The following GZMK variants were observed in gnomAD, a reference collection of about 807,000 sequenced individuals.
The protein encoded by GZMK is NK-Tryp-2.
Under a neutral mutation model 22.8 loss-of-function variants are expected in GZMK, and 18 were observed. That is an observed-to-expected ratio of 0.79 (90% CI 0.54 to 1.17). The LOEUF (loss-of-function observed/expected upper bound fraction) is 1.17, where lower values mean the gene tolerates loss of function less well. Ranked by LOEUF, GZMK falls within the 50% of genes most tolerant of loss-of-function variation. The pLI is 0.00. For missense variants in GZMK, 342 were observed against 320.2 expected, an observed-to-expected ratio of 1.07 and a Z score of -0.52; for synonymous variants, 136 against 115.0, an observed-to-expected ratio of 1.18 and a Z score of -1.17.
In GZMK at chr5:55,031,544, A is replaced by G; in HGVS notation, c.544A>G (p.Asn182Asp). The change falls in exon 4 of 5, where the codon AAC becomes GAC. Residue 182 changes from asparagine (N) to aspartate (D), a missense_variant. Transcript: ENST00000231009. ...TACTGTCCTAAGTCGAAAACTTTGC[A>G]ACAGCCAAAGTTACTACAACGGCGA... ...TVTVLSRKLC[N>D]SQSYYNGDPF... 6.2e-7 allele frequency: 1 copy of G among 1,613,826 alleles called. No individual in the cohort carries two copies. The highest frequency in any genetic ancestry group is 1.7e-5 in the Admixed American group (1 of 60,026).
At chr5:55,024,550 T>A in intron 1 of GZMK, 110 bp from the exon 2 acceptor site, 4 of 844,906 alleles carry the variant, frequency 4.7e-6, no homozygotes, top group Non-Finnish European at 7.4e-6. Flanking sequence ...TTAGGTAGGG[T>A]TATTGTTGTT....
intron 4 of GZMK, 94 bp from the exon 5 acceptor site, chr5:55,033,671 T>C: frequency 1.2e-6 from 1 of 860,712 alleles, no homozygotes; most frequent in Middle Eastern, 2.4e-4. Flanking sequence ...AAGACCCAGA[T>C]GATAATCCCT....
chr5:55,027,888 A>G (rs1363958143), intron 2 of GZMK, among the ~76,000 whole-genome samples: 3 of 152,194 alleles, frequency 2.0e-5, no homozygotes, highest in African/African-American at 7.2e-5. Flanking sequence ...TGGCATTATT[A>G]CTTCCTCTTT....
chr5:55,024,868 G>A, intron 2 of GZMK, 61 bp downstream of exon 2: 1 of 1,088,220 alleles, frequency 9.2e-7, no homozygotes, highest in East Asian at 2.5e-5. Flanking sequence ...AGGTACAAGA[G>A]AAGCTTACCT....
chr5:55,024,390 A>C lies in GZMK; in HGVS notation c.64+4A>C. 2.3e-6 allele frequency: 3 copies of C among 1,300,448 alleles called. No homozygotes were observed. Among genetic ancestry groups the C allele is most frequent in the South Asian group, 2.4e-5 (2 of 83,758 alleles). 80.6% of individuals were successfully genotyped at this position (1,300,448 alleles called of 1,614,324 possible). ...GGGGCTTATATGACTCATGTGTGTA[A>C]GTATCTCCTATATCTACATGTAAAC... On this transcript the variant is annotated splice_donor_region_variant and intron_variant, in intron 1 of 4. Transcript: ENST00000231009.
Position 55,033,850 on chromosome 5 carries a change from C to G in GZMK, c.719C>G (p.Pro240Arg), listed in dbSNP as rs1358591459. The G allele has an allele frequency of 9.3e-6, 15 of 1,613,382 alleles. No homozygotes were observed. Among genetic ancestry groups the G allele is most frequent in the Non-Finnish European group, 1.3e-5 (15 of 1,179,428 alleles). ...CATGAATGTGGTGTTGCCACAAAGC[C>G]TGGAATCTACACCCTGTTAACCAAG... ...GGHECGVATKPGIYTLLTKKY... is the reference protein window; with the variant it reads ...GGHECGVATKRGIYTLLTKKY... Residue 240 changes from proline to arginine, a missense_variant, in exon 5 of 5, where the codon CCT becomes CGT. Coordinates refer to ENST00000231009, the MANE Select transcript of GZMK (RefSeq NM_002104.3).
Position 55,024,271 on chromosome 5 carries a change from C to T in GZMK, c.-52C>T. 1.1e-6 allele frequency: 1 copy of T among 873,628 alleles called. No individual in the cohort carries two copies. The highest frequency in any genetic ancestry group is 1.9e-6 in the Non-Finnish European group (1 of 513,710). The allele number at this position is 873,628 out of a possible 1,614,324, so 54.1% of individuals were successfully genotyped here. A position where few individuals can be genotyped will look rare whatever the true frequency, so the allele number is the denominator to read the frequency against. ...CTCAGTCTTCAGAATCTTCTTCCTT[C>T]ATCACAGGATCAACACATTTCATCT... On this transcript the variant is annotated 5_prime_UTR_variant, in exon 1 of 5. Coordinates refer to ENST00000231009, the MANE Select transcript of GZMK (RefSeq NM_002104.3).
chr5:55,031,275 T>G lies in GZMK; in HGVS notation c.364-89T>G, dbSNP rs2111617546. The G allele has an allele frequency of 2.7e-6, 3 of 1,129,454 alleles. No individual in the cohort carries two copies. In the South Asian group the frequency reaches 4.3e-5, roughly 16 times the overall value. The allele number at this position is 1,129,454 out of a possible 1,614,324, so 70.0% of individuals were successfully genotyped here. A position where few individuals can be genotyped will look rare whatever the true frequency, so the allele number is the denominator to read the frequency against. ...AGATCCCAGAACAGGGACGCCCGCC[T>G]AAGACAGAGGGACCACACATACGAC... On this transcript the variant is annotated intron_variant, in intron 3 of 4. Coordinates refer to ENST00000231009, the MANE Select transcript of GZMK (RefSeq NM_002104.3).
Position 55,033,955 on chromosome 5 carries a change from G to T in GZMK, c.*29G>T. On this transcript the variant is annotated 3_prime_UTR_variant, in exon 5 of 5. Coordinates refer to ENST00000231009, the MANE Select transcript of GZMK (RefSeq NM_002104.3). ...ACAAATAATTTTATTGGATGCACTT[G>T]CTTCTTTTTTCCTAATATGCTCGCA... 1.3e-6 allele frequency: 2 copies of T among 1,586,178 alleles called. No individual in the cohort carries two copies. The highest frequency in any genetic ancestry group is 2.3e-5 in the South Asian group (2 of 87,210).
At chr5:55,031,221 C>T in intron 3 of GZMK, 143 bp from the exon 4 acceptor site, 1 of 687,220 alleles carries the variant, frequency 1.5e-6, no homozygotes, top group Non-Finnish European at 2.5e-6. Flanking sequence ...GCAACAACCA[C>T]AAATGCAGCT....
At position 55,024,795 on chromosome 5, in the gene GZMK, A is replaced by G; in HGVS notation, c.200A>G (p.His67Arg). 5 of 1,599,954 alleles carry G rather than the reference A, an allele frequency of 3.1e-6. No homozygotes were observed. The highest frequency in any genetic ancestry group is 4.3e-6 in the Non-Finnish European group (5 of 1,171,274). The part of the protein sequence containing the change: ...IDPQWVLTAA[H>R]CQYRFTKGQS... The stretch of plus-strand genomic sequence containing the variant: ...CCACAGTGGGTGCTGACAGCAGCCC[A>G]CTGCCAATATCGGTGAGTCCTCCAC... The change falls in exon 2 of 5, where the codon CAC (histidine) becomes CGC (arginine). Residue 67 changes from histidine to arginine, a missense_variant. Coordinates refer to ENST00000231009, the MANE Select transcript of GZMK (RefSeq NM_002104.3).
Position 55,031,558 on chromosome 5 carries a change from C to G in GZMK, c.558C>G (p.Tyr186Ter). 1 of 1,613,678 alleles carries G rather than the reference C, an allele frequency of 6.2e-7. No homozygotes were observed. The highest frequency in any genetic ancestry group is 1.7e-5 in the Admixed American group (1 of 60,022). The part of the protein sequence containing the change: ...LSRKLCNSQS[Y>*]YNGDPFITKD... ...GAAAACTTTGCAACAGCCAAAGTTA[C>G]TACAACGGCGACCCTTTTATCACCA... The change falls in exon 4 of 5, where the codon TAC becomes TAG. Residue 186 changes from tyrosine to a stop codon, truncating the protein, a stop_gained. Coordinates refer to ENST00000231009, the MANE Select transcript of GZMK (RefSeq NM_002104.3). LOFTEE classifies it high-confidence loss of function.
intron 2 of GZMK, chr5:55,027,045 G>A (rs1741151780): frequency 6.6e-6 from 1 of 152,128 alleles, no homozygotes. Flanking sequence ...AGCCAACTGA[G>A]CTTTAATCCT....
chr5:55,032,570 A>C (rs181610990), intron 4 of GZMK: 1 of 152,388 alleles, frequency 6.6e-6, no homozygotes, highest in East Asian at 1.9e-4. Context: ...CGTTTCTACA[A>C]AAAATACAAA....
rs1050323281 is a variant in GZMK at position 55,034,202 on chromosome 5, G to A, written c.*276G>A. ...ACCCACACTCGCCAAAGGGCAATAA[G>A]GTCACTGAATAAAACAGTAATGGTA... On this transcript the variant is annotated 3_prime_UTR_variant, in exon 5 of 5. Transcript: ENST00000231009. The A allele has an allele frequency of 1.1e-5, 4 of 349,176 alleles. No homozygotes were observed. The highest frequency in any genetic ancestry group is 2.1e-5 in the Non-Finnish European group (4 of 192,514). 21.6% of individuals were successfully genotyped at this position (349,176 alleles called of 1,614,324 possible).
chr5:55,030,139 T>G (rs887859432), intron 2 of GZMK, among the ~76,000 whole-genome samples: 12 of 152,244 alleles, frequency 7.9e-5, no homozygotes, highest in African/African-American at 2.4e-4. Flanking sequence ...TTAAACTTGA[T>G]CTAAGTCAAT....
chr5:55,030,374 A>G (rs757559584), intron 2 of GZMK, 60 bp from the exon 3 acceptor site: 5 of 1,515,370 alleles, frequency 3.3e-6, no homozygotes, highest in Non-Finnish European at 4.6e-6. Flanking sequence ...GACCATCACC[A>G]CTCCCCACTG....
chr5:55,024,694 G>A lies in GZMK; in HGVS notation c.99G>A (p.Val33=). Residue 33 remains valine (V), a synonymous_variant, in exon 2 of 5, where the codon GTG becomes GTA. Transcript: ENST00000231009. The part of the protein sequence containing the change: ...FNMEIIGGKE[V]SPHSRPFMAS... Reference sequence around the variant, plus strand: ...TGGAAATTATTGGAGGGAAAGAAGTGTCACCTCATTCCAGGCCATTTATGG... The same window carrying A: ...TGGAAATTATTGGAGGGAAAGAAGTATCACCTCATTCCAGGCCATTTATGG... 6.2e-7 allele frequency: 1 copy of A among 1,609,000 alleles called. No individual in the cohort carries two copies. Among genetic ancestry groups the A allele is most frequent in the East Asian group, 2.2e-5 (1 of 44,836 alleles).
chr5:55,031,179 C>T (rs999100439), intron 3 of GZMK, among the ~76,000 whole-genome samples, 185 bp from the exon 4 acceptor site: 5 of 152,180 alleles, frequency 3.3e-5, no homozygotes, highest in Middle Eastern at 3.2e-3. Flanking sequence ...CCTCAGTGAG[C>T]TCCTCGGGGA....
Sources: gnomAD v4.1 joint callset for allele counts (sites outside exome capture counted in the v4.1 genomes callset) on GRCh38, gnomAD v4.1.1 for gene constraint, MANE v1.5 for transcripts, NCBI Gene and HGNC (gene_info 2026-07-23, HGNC 2026-07-21) for gene names.